Variants in PTPRK observed in about 807,000 individuals in gnomAD.
PTPRK encodes the protein receptor-type tyrosine-protein phosphatase kappa.
In PTPRK, 75 loss-of-function variants were observed where a neutral mutation model predicts 178.0. That is an observed-to-expected ratio of 0.42 (90% CI 0.35 to 0.51). The LOEUF is 0.51. PTPRK is among the 20% of genes least tolerant of loss of function. The pLI is 0.02. For missense variants in PTPRK, 1,441 were observed against 1,797.8 expected (o/e 0.80, Z 3.59); for synonymous variants, 637 against 620.6 (o/e 1.03, Z -0.39).
chr6:128,236,343 C>CTTTTTT (rs35553541), intron 5 of PTPRK, among the ~76,000 whole-genome samples: 8 of 108,082 alleles, frequency 7.4e-5, no homozygotes, highest in African/African-American at 1.1e-4. Context: ...TTCTAAATTT[C>CTTTTTT]TTTTTTTTTT....
intron 2 of PTPRK, among the ~76,000 whole-genome samples, chr6:128,334,848 T>G (rs1166899874): frequency 6.6e-6 from 1 of 152,086 alleles, no homozygotes; most frequent in Non-Finnish European, 1.5e-5. Context: ...CCCCGGACTT[T>G]GGGGGCTGAG....
At chr6:128,199,593 GA>G in intron 6 of PTPRK, among the ~76,000 whole-genome samples, 1 of 136,808 alleles carries the variant, frequency 7.3e-6, no homozygotes, top group Non-Finnish European at 1.6e-5. Context: ...GGGAGGGAGG[GA>G]GGGAGGGAAA....
intron 1 of PTPRK, among the ~76,000 whole-genome samples, chr6:128,418,676 T>A (rs1843109502): frequency 6.6e-6 from 1 of 152,090 alleles, no homozygotes; most frequent in Non-Finnish European, 1.5e-5. Flanking sequence ...TCCTAAAGCA[T>A]CTACCATAAG....
chr6:128,089,483 A>G (rs1377641243), intron 8 of PTPRK, among the ~76,000 whole-genome samples: 4 of 152,194 alleles, frequency 2.6e-5, no homozygotes, highest in African/African-American at 9.6e-5. Context: ...GGACAACAGA[A>G]GCACATTTCA....
chr6:127,977,467 G>A (rs565844125), intron 25 of PTPRK, among the ~76,000 whole-genome samples: 3 of 152,230 alleles, frequency 2.0e-5, no homozygotes, highest in Middle Eastern at 3.4e-3. Context: ...CAAAACCCCT[G>A]GTATGTCTAT....
chr6:128,393,335 C>G (rs924180337), intron 2 of PTPRK, among the ~76,000 whole-genome samples: 6 of 152,050 alleles, frequency 3.9e-5, no homozygotes, highest in African/African-American at 1.4e-4. Flanking sequence ...GTGATCCGCC[C>G]GCCTCGGTCT....
Position 127,998,894 on chromosome 6 carries a change from G to C in PTPRK, c.2505C>G (p.His835Gln). Residue 835 changes from histidine (H) to glutamine (Q), a missense_variant, in exon 16 of 30, where the codon CAC becomes CAG. Around this residue, in one of 4 missense-constraint regions of PTPRK, gnomAD observed 945 missense variants for 1,080.6 expected, o/e 0.87. Transcript: ENST00000368226. ...QHNFSPRYEN[H>Q]SATAESSRLL... is the part of the protein sequence containing the mutation. ...GGCGACTGGACTCTGCTGTAGCACT[G>C]TGGTTCTCATCTGGCATTTTTCAGA... 1 of 1,519,242 alleles carries C rather than the reference G, an allele frequency of 6.6e-7. No individual in the cohort carries two copies. Among genetic ancestry groups the C allele is most frequent in the Non-Finnish European group, 8.9e-7 (1 of 1,127,704 alleles). 94.1% of individuals were successfully genotyped at this position (1,519,242 alleles called of 1,614,324 possible).
chr6:128,457,328 G>T (rs187368895), intron 1 of PTPRK, among the ~76,000 whole-genome samples: 23 of 152,058 alleles, frequency 1.5e-4, no homozygotes, highest in Non-Finnish European at 3.2e-4. Flanking sequence ...CTTGCTTGTT[G>T]CATCACTTTT....
chr6:128,387,950 CAA>C (rs1272485956), intron 2 of PTPRK, among the ~76,000 whole-genome samples: 6 of 115,634 alleles, frequency 5.2e-5, no homozygotes, highest in Admixed American at 9.0e-5. Flanking sequence ...GATGAGCTTA[CAA>C]AAAAAAAAAA....
At chr6:127,994,060 T>C (rs1346909849) in intron 18 of PTPRK, among the ~76,000 whole-genome samples, 2 of 151,782 alleles carry the variant, frequency 1.3e-5, no homozygotes, top group African/African-American at 2.4e-5. Flanking sequence ...TAGTTTTACA[T>C]AATGATGTTT....
At chr6:128,339,010 T>C (rs1831317442) in intron 2 of PTPRK, among the ~76,000 whole-genome samples, 1 of 152,142 alleles carries the variant, frequency 6.6e-6, no homozygotes, top group Non-Finnish European at 1.5e-5. Flanking sequence ...CTATTATGTT[T>C]TTTGCTTTTG....
chr6:128,354,720 A>G (rs773902096), intron 2 of PTPRK, among the ~76,000 whole-genome samples: 1 of 152,372 alleles, frequency 6.6e-6, no homozygotes, highest in Non-Finnish European at 1.5e-5. Context: ...TTATGACAGT[A>G]TGAGGGCACT....
At chr6:128,018,168 T>A (rs1779828283) in intron 13 of PTPRK, among the ~76,000 whole-genome samples, 1 of 152,054 alleles carries the variant, frequency 6.6e-6, no homozygotes, top group Non-Finnish European at 1.5e-5. Context: ...CATTCATGTC[T>A]TTATGGCTAA....
chr6:128,029,680 T>C (rs1007408067), intron 13 of PTPRK, among the ~76,000 whole-genome samples: 1 of 147,562 alleles, frequency 6.8e-6, no homozygotes, highest in Non-Finnish European at 1.5e-5. Context: ...ATAATAATAA[T>C]AATAATAATC....
At chr6:128,193,046 C>T (rs748382724) in intron 6 of PTPRK, among the ~76,000 whole-genome samples, 15 of 151,898 alleles carry the variant, frequency 9.9e-5, no homozygotes, top group Non-Finnish European at 1.3e-4. Context: ...ACACAATACC[C>T]AAACTTTATT....
chr6:128,292,357 T>A (rs544508916), intron 3 of PTPRK, among the ~76,000 whole-genome samples: 1 of 152,164 alleles, frequency 6.6e-6, no homozygotes, highest in African/African-American at 2.4e-5. Flanking sequence ...ATGCATTTTT[T>A]AAAAAGACTT....
At chr6:128,280,675 T>G (rs1029963699) in intron 3 of PTPRK, among the ~76,000 whole-genome samples, 1 of 152,164 alleles carries the variant, frequency 6.6e-6, no homozygotes, top group Non-Finnish European at 1.5e-5. Context: ...CTATAATAAT[T>G]TCTTAAGCAT....
intron 2 of PTPRK, among the ~76,000 whole-genome samples, chr6:128,323,069 C>A (rs928514810): frequency 6.6e-6 from 1 of 152,012 alleles, no homozygotes; most frequent in Non-Finnish European, 1.5e-5. Context: ...TACAAGAAAC[C>A]CAGTTTAAAA....
chr6:128,519,298 G>A lies in PTPRK; in HGVS notation c.100+961C>T, dbSNP rs913885208. On this transcript the variant is annotated intron_variant, in intron 1 of 29. Transcript: ENST00000368226. This position sits in a 1 kb window ranked among gnomAD's most constrained non-coding sequence, Gnocchi z 4.3. ...ACACGAAGGATAACAAAACTGGAGGGGAACAGAGGGCGGGACCGGGAGAGC... is the reference window on the plus strand; with the variant it reads ...ACACGAAGGATAACAAAACTGGAGGAGAACAGAGGGCGGGACCGGGAGAGC... 6.6e-6 allele frequency among the ~76,000 whole-genome samples: 1 copy of A among 152,220 alleles called. No homozygotes were observed. Among genetic ancestry groups the A allele is most frequent in the Admixed American group, 6.5e-5 (1 of 15,286 alleles).
Sources: allele counts gnomAD v4.1 joint callset (sites outside exome capture counted in the v4.1 genomes callset), GRCh38; gene constraint gnomAD v4.1.1; regional missense constraint gnomAD v4.1.1; non-coding constraint Gnocchi (gnomAD v3.1); transcripts MANE v1.5; gene names NCBI Gene and HGNC (gene_info 2026-07-23, HGNC 2026-07-21).